The following FMN1 variants were observed in gnomAD, a reference collection of about 807,000 sequenced individuals.
FMN1 encodes the protein formin 1.
In FMN1, 110 loss-of-function variants were observed where a neutral mutation model predicts 132.4. The ratio of observed to expected loss-of-function variants is 0.83; its 90% CI spans 0.71 to 0.97. FMN1 has a LOEUF of 0.97. Among genes scored for constraint, FMN1 ranks in the 50% least tolerant of loss-of-function variants. The pLI, the probability that FMN1 is intolerant of heterozygous loss-of-function variation, is 0.00. For missense variants in FMN1, 1,792 were observed against 1,705.3 expected (o/e 1.05, Z -0.90); for synonymous variants, 722 against 651.7 (o/e 1.11, Z -1.64).
intron 6 of FMN1, chr15:33,012,631 C>G: frequency 2.1e-6 from 2 of 937,622 alleles, no homozygotes; most frequent in Admixed American, 3.4e-5. Flanking sequence ...TGCAAATGAC[C>G]ACAACTGTGA....
At chr15:32,853,750 T>TAA (rs1396909890) in intron 17 of FMN1, among the ~76,000 whole-genome samples, 1 of 152,194 alleles carries the variant, frequency 6.6e-6, no homozygotes, top group Non-Finnish European at 1.5e-5. Context: ...AATGTAGAGG[T>TAA]AACAGCCTGA....
chr15:32,820,170 A>G (rs1191153527), intron 17 of FMN1, among the ~76,000 whole-genome samples: 1 of 152,192 alleles, frequency 6.6e-6, no homozygotes, highest in African/African-American at 2.4e-5. Context: ...AAGTCAACTG[A>G]GTAACAAAGA....
intron 3 of FMN1, among the ~76,000 whole-genome samples, chr15:33,171,819 A>T (rs1595597329): frequency 6.6e-6 from 1 of 152,236 alleles, no homozygotes; most frequent in East Asian, 1.9e-4. Flanking sequence ...TGCAATTAGA[A>T]ATGTGATCAC....
intron 9 of FMN1, among the ~76,000 whole-genome samples, chr15:32,938,324 T>C (rs1197447584): frequency 6.6e-6 from 1 of 151,924 alleles, no homozygotes; most frequent in Non-Finnish European, 1.5e-5. Context: ...AGGCCAGGAG[T>C]TCGGGACCAG....
rs375613284 is a variant in FMN1 at position 32,892,553 on chromosome 15, T to C, written c.3715-4261A>G. 8.7e-4 allele frequency among the ~76,000 whole-genome samples: 133 copies of C among 152,320 alleles called. No homozygotes were observed. In the South Asian group the frequency reaches 0.026, roughly 30 times the overall value. On this transcript the variant is annotated intron_variant, in intron 15 of 20. Coordinates refer to ENST00000616417, the MANE Select transcript of FMN1 (RefSeq NM_001277313.2). The stretch of plus-strand genomic sequence containing the variant: ...TTATGTCCTTTCCTGATTTTGGTAT[T>C]AGGGTGACGCTTGCTTCATAAAATA...
At chr15:32,835,837 GTTC>G (rs2058610515) in intron 17 of FMN1, among the ~76,000 whole-genome samples, 1 of 151,990 alleles carries the variant, frequency 6.6e-6, no homozygotes, top group Non-Finnish European at 1.5e-5. Flanking sequence ...CTTTCACACT[GTTC>G]TTCTTTTTCT....
chr15:32,942,253 A>AT (rs1283978582), intron 9 of FMN1, among the ~76,000 whole-genome samples: 7 of 152,206 alleles, frequency 4.6e-5, no homozygotes, highest in African/African-American at 1.2e-4. Context: ...ACATATGTGA[A>AT]TTTTTTTAAA....
intron 7 of FMN1, among the ~76,000 whole-genome samples, chr15:32,979,368 A>G (rs888080888): frequency 2.6e-5 from 4 of 152,074 alleles, no homozygotes; most frequent in Non-Finnish European, 5.9e-5. Context: ...ATCCTGGCTA[A>G]CATGGTGAAA....
intron 6 of FMN1, chr15:33,012,459 C>T: frequency 9.3e-7 from 1 of 1,071,156 alleles, no homozygotes; most frequent in Non-Finnish European, 1.4e-6. Flanking sequence ...TTAAAGAAGA[C>T]ACAGAAGAAC....
At chr15:32,809,413 C>T (rs887584260) in intron 17 of FMN1, among the ~76,000 whole-genome samples, 1 of 152,128 alleles carries the variant, frequency 6.6e-6, no homozygotes, top group South Asian at 2.1e-4. Context: ...GCTTAATGTT[C>T]TCACTGGTTC....
intron 17 of FMN1, 79 bp from the exon 18 acceptor site, chr15:32,804,411 A>T: frequency 9.5e-6 from 3 of 314,648 alleles, no homozygotes; most frequent in Non-Finnish European, 1.7e-5. Flanking sequence ...AATTACACCC[A>T]TTCATTACCA....
chr15:32,977,908 A>C (rs1354594654), intron 7 of FMN1, among the ~76,000 whole-genome samples: 4 of 150,660 alleles, frequency 2.7e-5, no homozygotes, highest in Non-Finnish European at 5.9e-5. Flanking sequence ...ACCAGGCTGG[A>C]GTGCATGGCA....
chr15:32,862,208 C>T (rs2059285489), intron 16 of FMN1, among the ~76,000 whole-genome samples: 1 of 152,044 alleles, frequency 6.6e-6, no homozygotes, highest in Non-Finnish European at 1.5e-5. Flanking sequence ...GACAGATCCA[C>T]AAATGTCCTT....
chr15:32,784,533 C>T (rs2056785670), intron 19 of FMN1, among the ~76,000 whole-genome samples: 1 of 152,078 alleles, frequency 6.6e-6, no homozygotes, highest in African/African-American at 2.4e-5. Context: ...AGGTAGACAA[C>T]TGATTTAAGA....
intron 7 of FMN1, among the ~76,000 whole-genome samples, chr15:32,973,548 A>G (rs1015403836): frequency 6.6e-6 from 1 of 151,874 alleles, no homozygotes; most frequent in Non-Finnish European, 1.5e-5. Flanking sequence ...CTGGATCACT[A>G]AAATTTAATT....
At chr15:33,021,617 A>G (rs866772448) in intron 6 of FMN1, among the ~76,000 whole-genome samples, 3 of 152,176 alleles carry the variant, frequency 2.0e-5, no homozygotes, top group Middle Eastern at 3.2e-3. Context: ...ATTCGTGGCT[A>G]TATCTCTGAC....
chr15:33,099,202 G>C (rs1220455202), intron 4 of FMN1, among the ~76,000 whole-genome samples: 1 of 152,150 alleles, frequency 6.6e-6, no homozygotes, highest in African/African-American at 2.4e-5. Flanking sequence ...GAGGTGGGAG[G>C]ACTGCTTGAG....
chr15:33,193,808 T>A (rs577912125), intron 2 of FMN1, 101 bp downstream of exon 2: 1 of 152,110 alleles, frequency 6.6e-6, no homozygotes, highest in Non-Finnish European at 1.5e-5. Flanking sequence ...CAGCTACTTG[T>A]TCTTGAGTTA....
chr15:32,915,868 C>T (rs971576657), intron 10 of FMN1, among the ~76,000 whole-genome samples: 3 of 152,206 alleles, frequency 2.0e-5, no homozygotes, highest in Non-Finnish European at 4.4e-5. Flanking sequence ...CTACACCTCA[C>T]AATATGTCAA....
Sources: allele counts gnomAD v4.1 joint callset (sites outside exome capture counted in the v4.1 genomes callset), GRCh38; gene constraint gnomAD v4.1.1; transcripts MANE v1.5; gene names NCBI Gene and HGNC (gene_info 2026-07-23, HGNC 2026-07-21).